SLC1A1: variants seen among roughly 807,000 people sequenced by gnomAD.
SLC1A1 encodes excitatory amino acid transporter 3.
A neutral mutation model predicts 53.3 loss-of-function variants in SLC1A1; 43 were observed. The observed-to-expected ratio is 0.81, with a 90% CI of 0.63 to 1.04. The LOEUF (loss-of-function observed/expected upper bound fraction) is 1.04, where lower values mean the gene tolerates loss of function less well. Among genes scored for constraint, SLC1A1 ranks in the 50% least tolerant of loss-of-function variants. SLC1A1 has a pLI of 0.00. For synonymous variants in SLC1A1, 307 were observed against 243.2 expected (o/e 1.26, Z -2.44); for missense variants, 748 against 664.9 (o/e 1.12, Z -1.37).
rs2129901592 is a variant in SLC1A1, at chr9:4,585,538, A to T, written c.1555A>T (p.Thr519Ser). The change falls in exon 12 of 12, where the codon ACC (threonine) becomes TCC (serine). Residue 519 changes from threonine (T) to serine (S), a missense_variant. Coordinates refer to ENST00000262352, the MANE Select transcript of SLC1A1 (RefSeq NM_004170.6). The part of the protein sequence containing the change: ...AVDKSDTISF[T>S]QTSQF ...AGACAAGTCTGACACCATCTCATTC[A>T]CCCAGACCTCACAGTTCTAGGGCCC... The T allele has an allele frequency of 1.2e-6, 2 of 1,614,204 alleles. No homozygotes were observed. The highest frequency in any genetic ancestry group is 4.5e-5 in the East Asian group (2 of 44,890).
chr9:4,577,131 G>A (rs1258877553), intron 10 of SLC1A1, among the ~76,000 whole-genome samples: 2 of 152,172 alleles, frequency 1.3e-5, no homozygotes, highest in East Asian at 1.9e-4. Context: ...AACTCTGTAT[G>A]GTGTTCACAG....
At chr9:4,494,552 G>A (rs1201199276) in intron 1 of SLC1A1, among the ~76,000 whole-genome samples, 2 of 151,838 alleles carry the variant, frequency 1.3e-5, no homozygotes, top group African/African-American at 4.8e-5. Context: ...TGTCCCTGTA[G>A]TATTATTCAT....
intron 1 of SLC1A1, among the ~76,000 whole-genome samples, chr9:4,543,331 G>T (rs1422440593): frequency 3.3e-5 from 5 of 152,080 alleles, no homozygotes; most frequent in Non-Finnish European, 7.4e-5. Flanking sequence ...AACAGAGGCC[G>T]ATGAAGGAAA....
At chr9:4,493,332 A>G (rs760697704) in intron 1 of SLC1A1, among the ~76,000 whole-genome samples, 1 of 152,160 alleles carries the variant, frequency 6.6e-6, no homozygotes, top group Non-Finnish European at 1.5e-5. Context: ...GGAAACTCAT[A>G]CTTGTTTGTG....
chr9:4,545,258 G>A (rs2130880363), intron 2 of SLC1A1, among the ~76,000 whole-genome samples: 1 of 144,000 alleles, frequency 6.9e-6, no homozygotes, highest in African/African-American at 2.6e-5. Context: ...TTGCTTCTGT[G>A]GAAACATTTT....
intron 1 of SLC1A1, among the ~76,000 whole-genome samples, chr9:4,502,411 A>AAAAAAAAAAAAAT (rs1820667785): frequency 6.6e-6 from 1 of 150,648 alleles, no homozygotes; most frequent in Non-Finnish European, 1.5e-5. Flanking sequence ...AAAAAAAAAA[A>AAAAAAAAAAAAAT]AAAGATTCCC....
chr9:4,516,255 G>A (rs12342908), intron 1 of SLC1A1, among the ~76,000 whole-genome samples: 44,445 of 151,956 alleles, frequency 0.29, 6,603 homozygotes, highest in South Asian at 0.37. Context: ...CTGAACATTT[G>A]AACAACTGAA....
At chr9:4,548,465 T>C (rs1434258551) in intron 2 of SLC1A1, among the ~76,000 whole-genome samples, 1 of 152,038 alleles carries the variant, frequency 6.6e-6, no homozygotes, top group Non-Finnish European at 1.5e-5. Context: ...AGATTAATAA[T>C]CTGTGCTCCT....
At chr9:4,574,817 T>C (rs905921624) in intron 8 of SLC1A1, among the ~76,000 whole-genome samples, 9 of 152,206 alleles carry the variant, frequency 5.9e-5, no homozygotes, top group African/African-American at 1.9e-4. Context: ...AACTCACCTA[T>C]TGGAACTTGA....
At chr9:4,541,515 G>C (rs1817006475) in intron 1 of SLC1A1, among the ~76,000 whole-genome samples, 1 of 152,186 alleles carries the variant, frequency 6.6e-6, no homozygotes, top group Admixed American at 6.5e-5. Context: ...GTGTGAAAGA[G>C]GAAAGAGGGA....
chr9:4,545,951 T>C (rs1817456467), intron 2 of SLC1A1, among the ~76,000 whole-genome samples: 1 of 152,206 alleles, frequency 6.6e-6, no homozygotes, highest in Non-Finnish European at 1.5e-5. Context: ...CAAGGTTTTA[T>C]GTAAACATGC....
chr9:4,566,256 A>C (rs1267919474), intron 5 of SLC1A1, among the ~76,000 whole-genome samples, 167 bp downstream of exon 5: 1 of 152,212 alleles, frequency 6.6e-6, no homozygotes, highest in African/African-American at 2.4e-5. Flanking sequence ...TTTTGTATGC[A>C]GCCTTTCTGG....
rs1174363838 is a variant in SLC1A1, at chr9:4,585,562, C to T, written c.*4C>T. On this transcript the variant is annotated 3_prime_UTR_variant, in exon 12 of 12. Coordinates refer to ENST00000262352, the MANE Select transcript of SLC1A1 (RefSeq NM_004170.6). ...CACCCAGACCTCACAGTTCTAGGGC[C>T]CCTGGCTGCAGATGACTGGAAACAA... 6.2e-7 allele frequency: 1 copy of T among 1,614,184 alleles called. No homozygotes were observed. The highest frequency in any genetic ancestry group is 8.5e-7 in the Non-Finnish European group (1 of 1,180,022).
intron 10 of SLC1A1, among the ~76,000 whole-genome samples, chr9:4,580,235 A>AAAAG (rs145533584): frequency 0.36 from 53,288 of 149,350 alleles, 10,103 homozygotes; most frequent in Middle Eastern, 0.48. Flanking sequence ...CATCTCAAAG[A>AAAAG]AAAGAAAGAA....
chr9:4,580,208 G>A (rs1240224672), intron 10 of SLC1A1, among the ~76,000 whole-genome samples: 1 of 151,148 alleles, frequency 6.6e-6, no homozygotes, highest in Non-Finnish European at 1.5e-5. Flanking sequence ...TCTAGCCTAG[G>A]CAACAGAGTG....
chr9:4,584,048 C>T (rs1399296494), intron 11 of SLC1A1, among the ~76,000 whole-genome samples: 1 of 152,200 alleles, frequency 6.6e-6, no homozygotes, highest in Admixed American at 6.5e-5. Context: ...TTAGGTCTGG[C>T]TCTGTCCCCT....
intron 1 of SLC1A1, among the ~76,000 whole-genome samples, chr9:4,524,434 G>T (rs754167792): frequency 6.6e-6 from 1 of 152,150 alleles, no homozygotes. Context: ...AGCAATAAAG[G>T]AAATGCCCTT....
rs575214249 is a variant in SLC1A1 at position 4,584,599 on chromosome 9, C to G, written c.1329-713C>G. On this transcript the variant is annotated intron_variant, in intron 11 of 11. Transcript: ENST00000262352. ...AGGTGTAGTTTTCACAAGATTCCCCCTGCATGCAGTTCCTGTCAACAAAGT... is the reference window on the plus strand; with the variant it reads ...AGGTGTAGTTTTCACAAGATTCCCCGTGCATGCAGTTCCTGTCAACAAAGT... Among the ~76,000 whole-genome samples, 4 of 152,310 alleles carry G rather than the reference C, an allele frequency of 2.6e-5. No individual in the cohort carries two copies. The East Asian group carries it at 7.7e-4, about 29-fold the overall frequency.
chr9:4,554,986 T>C (rs1022708921), intron 2 of SLC1A1, among the ~76,000 whole-genome samples: 1 of 152,242 alleles, frequency 6.6e-6, no homozygotes, highest in African/African-American at 2.4e-5. Context: ...TAGACATTAT[T>C]TCTAATCCTC....
Sources: gnomAD v4.1 joint callset for allele counts (sites outside exome capture counted in the v4.1 genomes callset) on GRCh38, gnomAD v4.1.1 for gene constraint, MANE v1.5 for transcripts, NCBI Gene and HGNC (gene_info 2026-07-23, HGNC 2026-07-21) for gene names.